Variants in CHIC1 observed in about 807,000 individuals in gnomAD.
The protein encoded by CHIC1 is cysteine-rich hydrophobic domain-containing protein 1.
In CHIC1, 7 loss-of-function variants were observed where a neutral mutation model predicts 18.5. The ratio of observed to expected loss-of-function variants is 0.38; its 90% CI spans 0.22 to 0.71. The LOEUF (loss-of-function observed/expected upper bound fraction) is 0.71. Ranked by LOEUF, CHIC1 falls within the 30% of genes least tolerant of loss-of-function variation. CHIC1 has a pLI of 0.49. For synonymous variants in CHIC1, 77 were observed against 73.5 expected (o/e 1.05, Z -0.25); for missense variants, 159 against 176.9 (o/e 0.90, Z 0.57).
At chrX:73,633,285 A>G (rs1485054017) in intron 3 of CHIC1, among the ~76,000 whole-genome samples, 2 of 102,786 alleles carry the variant, frequency 1.9e-5, no homozygotes, top group East Asian at 3.4e-4. Context: ...TTTCTAAAGG[A>G]CAGCTTTACT....
intron 3 of CHIC1, among the ~76,000 whole-genome samples, chrX:73,586,470 C>G (rs1312275680): frequency 9.0e-6 from 1 of 111,272 alleles, no homozygotes; most frequent in Non-Finnish European, 1.9e-5. Context: ...AAATTTAAAG[C>G]AACTCAAAGA....
intron 3 of CHIC1, among the ~76,000 whole-genome samples, chrX:73,630,074 A>G (rs7877970): frequency 0.048 from 5,371 of 111,742 alleles, 327 homozygotes; most frequent in African/African-American, 0.16. Context: ...ATACTGTATA[A>G]AAACACAACT....
intron 3 of CHIC1, among the ~76,000 whole-genome samples, chrX:73,636,263 A>G (rs2057830791): frequency 9.0e-6 from 1 of 111,363 alleles, no homozygotes; most frequent in Non-Finnish European, 1.9e-5. Flanking sequence ...GTCTTTATAG[A>G]TAGCATTTCT....
intron 3 of CHIC1, among the ~76,000 whole-genome samples, chrX:73,615,313 C>A (rs905872410): frequency 5.4e-5 from 6 of 111,471 alleles, no homozygotes; most frequent in African/African-American, 1.6e-4. Context: ...CCAGTCAAAC[C>A]AATTCTTGGT....
intron 3 of CHIC1, among the ~76,000 whole-genome samples, chrX:73,592,042 T>C (rs1265783152): frequency 9.0e-6 from 1 of 111,624 alleles, no homozygotes; most frequent in Non-Finnish European, 1.9e-5. Flanking sequence ...AACATTGTGA[T>C]TTTGCATTCT....
chrX:73,574,921 C>T (rs2057489869), intron 1 of CHIC1, among the ~76,000 whole-genome samples: 1 of 109,349 alleles, frequency 9.1e-6, no homozygotes, highest in Non-Finnish European at 1.9e-5. Flanking sequence ...CTCAGATTTT[C>T]TTCTGCTAGC....
intron 3 of CHIC1, among the ~76,000 whole-genome samples, chrX:73,628,450 A>C (rs997137930): frequency 5.4e-5 from 6 of 111,514 alleles, no homozygotes; most frequent in African/African-American, 2.0e-4. Flanking sequence ...GTTTGTAGAA[A>C]CTCAAGTTCC....
At chrX:73,623,685 A>G (rs1185960197) in intron 3 of CHIC1, among the ~76,000 whole-genome samples, 2 of 111,543 alleles carry the variant, frequency 1.8e-5, no homozygotes, top group African/African-American at 3.3e-5. Context: ...CTTAGCAAAA[A>G]AAATTTACAT....
intron 3 of CHIC1, among the ~76,000 whole-genome samples, chrX:73,678,791 C>A (rs1405725509): frequency 9.0e-6 from 1 of 111,564 alleles, no homozygotes; most frequent in African/African-American, 3.3e-5. Flanking sequence ...TTAACATGTT[C>A]TTTTCAGTGG....
At chrX:73,646,962 A>G (rs1197169698) in intron 3 of CHIC1, among the ~76,000 whole-genome samples, 3 of 111,911 alleles carry the variant, frequency 2.7e-5, no homozygotes, top group Non-Finnish European at 5.6e-5. Flanking sequence ...ATACATTTCT[A>G]TTTGATTTTT....
rs1329914528 is a variant in CHIC1 at position 73,685,345 on chromosome X, G to A, written c.*4340G>A. On this transcript the variant is annotated 3_prime_UTR_variant, in exon 6 of 6. Coordinates refer to ENST00000373502, the MANE Select transcript of CHIC1 (RefSeq NM_001039840.4). ...TGTGTCCTTTGCCTGTGTAGAATCTGTCTATGCAGTTGGTATTCAGGCAAG... is the reference window on the plus strand; with the variant it reads ...TGTGTCCTTTGCCTGTGTAGAATCTATCTATGCAGTTGGTATTCAGGCAAG... 1 of 111,647 alleles carries A rather than the reference G, an allele frequency of 9.0e-6. No individual in the cohort carries two copies. Among genetic ancestry groups the A allele is most frequent in the East Asian group, 2.8e-4 (1 of 3,545 alleles). 9.2% of individuals were successfully genotyped at this position (111,647 alleles called of 1,213,427 possible).
At chrX:73,593,192 G>A (rs2057590480) in intron 3 of CHIC1, among the ~76,000 whole-genome samples, 1 of 111,006 alleles carries the variant, frequency 9.0e-6, no homozygotes, top group Admixed American at 9.6e-5. Flanking sequence ...GGATTTTGGG[G>A]TCTCAGTTCC....
chrX:73,625,700 G>A (rs376697325), intron 3 of CHIC1, among the ~76,000 whole-genome samples: 213 of 111,156 alleles, frequency 1.9e-3, no homozygotes, highest in African/African-American at 6.4e-3. Context: ...TTTTTTAGCC[G>A]ACAGGGACTT....
chrX:73,648,144 CAGAA>C (rs1225344161), intron 3 of CHIC1, among the ~76,000 whole-genome samples: 1 of 111,550 alleles, frequency 9.0e-6, no homozygotes, highest in Non-Finnish European at 1.9e-5. Context: ...GAAAAACAAA[CAGAA>C]AGCAACAACA....
intron 3 of CHIC1, among the ~76,000 whole-genome samples, chrX:73,618,096 T>C (rs2057741380): frequency 9.0e-6 from 1 of 111,661 alleles, no homozygotes; most frequent in Non-Finnish European, 1.9e-5. Flanking sequence ...TGGCTGGTAC[T>C]GGGAGGTGTC....
At chrX:73,661,916 G>C (rs1345898516) in intron 3 of CHIC1, among the ~76,000 whole-genome samples, 1 of 110,351 alleles carries the variant, frequency 9.1e-6, no homozygotes, top group Non-Finnish European at 1.9e-5. Flanking sequence ...TATTTTTGTA[G>C]GCAAAACCAC....
At chrX:73,672,272 G>A (rs976547988) in intron 3 of CHIC1, among the ~76,000 whole-genome samples, 12 of 111,551 alleles carry the variant, frequency 1.1e-4, no homozygotes, top group African/African-American at 3.6e-4. Context: ...ATAATCCTTT[G>A]GGTATATACC....
intron 3 of CHIC1, among the ~76,000 whole-genome samples, chrX:73,677,901 G>C (rs2058076862): frequency 1.8e-5 from 2 of 111,203 alleles, no homozygotes; most frequent in African/African-American, 6.5e-5. Context: ...ATTTTCTTAA[G>C]ATCATTTTTA....
rs760457463 is a variant in CHIC1 at position 73,667,792 on chromosome X, T to G, written c.508-11534T>G. On this transcript the variant is annotated intron_variant, in intron 3 of 5. Transcript: ENST00000373502. ...ACTTGGCCTTTCTCTCTGGCTACCCTTAACATTTTTTCTCTCATTTCAACC... is the reference window on the plus strand; with the variant it reads ...ACTTGGCCTTTCTCTCTGGCTACCCGTAACATTTTTTCTCTCATTTCAACC... Among the ~76,000 whole-genome samples the G allele has an allele frequency of 4.2e-4, 47 of 111,087 alleles. 1 individual carries two copies. The highest frequency in any genetic ancestry group is 9.4e-5 in the Non-Finnish European group (5 of 53,046).
Sources: allele counts gnomAD v4.1 joint callset (sites outside exome capture counted in the v4.1 genomes callset), GRCh38; gene constraint gnomAD v4.1.1; transcripts MANE v1.5; gene names NCBI Gene and HGNC (gene_info 2026-07-23, HGNC 2026-07-21).